ARHGEF1: variants seen among roughly 807,000 people sequenced by gnomAD.
ARHGEF1 encodes the protein Rho guanine nucleotide exchange factor 1.
A neutral mutation model predicts 119.7 loss-of-function variants in ARHGEF1; 40 were observed. The ratio of observed to expected loss-of-function variants is 0.33; its 90% confidence interval spans 0.26 to 0.44. The LOEUF is 0.44. Ranked by LOEUF, ARHGEF1 falls within the 20% of genes least tolerant of loss-of-function variation. The probability of loss-of-function intolerance (pLI) is 1.00; values close to 1 mark genes in which losing one functional copy is unlikely to be tolerated. For missense variants in ARHGEF1, 976 were observed against 1,268.3 expected (o/e 0.77, Z 3.50); for synonymous variants, 494 against 521.0 (o/e 0.95, Z 0.71).
exon 3 of ARHGEF1, chr19:41,929,695 G>C (rs2074893945): frequency 6.5e-6 from 1 of 152,896 alleles, no homozygotes; most frequent in Non-Finnish European, 1.5e-5. Flanking sequence ...ACCTTCTCTG[G>C]GGAAAGGCAG....
chr19:41,899,187 C>T (rs1308625219), intron 14 of ARHGEF1, among the ~76,000 whole-genome samples: 1 of 151,932 alleles, frequency 6.6e-6, no homozygotes, highest in Non-Finnish European at 1.5e-5. Context: ...TGGGGTTTCG[C>T]CATGTTGGCC....
chr19:41,919,926 G>A (rs1210443363), upstream of ARHGEF1, among the ~76,000 whole-genome samples: 2 of 151,658 alleles, frequency 1.3e-5, no homozygotes, highest in East Asian at 1.9e-4. Flanking sequence ...GACATGACAC[G>A]CTCACAGACA....
chr19:41,897,709 C>T lies in ARHGEF1; in HGVS notation c.1122-733C>T, dbSNP rs889196273. On this transcript the variant is annotated intron_variant, in intron 13 of 28. Transcript: ENST00000354532. ...ATCCCTGTCCTGGTCACCCTTGCCC[C>T]GGTCCTGGTCTCTCCCTGTCTCTGT... is the stretch of plus-strand genomic sequence containing the variant. 2.0e-5 allele frequency: 9 copies of T among 447,130 alleles called. No homozygotes were observed. The South Asian group carries it at 2.3e-4, about 11-fold the overall frequency. The allele number at this position is 447,130 out of a possible 1,614,324, so 27.7% of individuals were successfully genotyped here. A position where few individuals can be genotyped will look rare whatever the true frequency, so the allele number is the denominator to read the frequency against.
At position 41,905,499 on chromosome 19, in the gene ARHGEF1, G is replaced by A. The variant is rs2074677782; in HGVS notation, c.2336+238G>A. 4 of 611,402 alleles carry A rather than the reference G, an allele frequency of 6.5e-6. No individual in the cohort carries two copies. The allele number at this position is 611,402 out of a possible 1,614,324, so 37.9% of individuals were successfully genotyped here. On this transcript the variant is annotated intron_variant, in intron 24 of 28. Transcript: ENST00000354532. This position sits in a 1 kb window ranked among gnomAD's most constrained non-coding sequence, Gnocchi z 6.4. ...GTGTATGGTGTGTGTGTATGCATAT[G>A]TGTGCATGCGTGTGACAGCATGTGC...
rs376210275 is a variant in ARHGEF1, at chr19:41,915,963, C to T, written c.1866-7129C>T. On this transcript the variant is annotated intron_variant, in intron 18 of 20. Transcript: ENST00000599589. ...CTCCCCCCCGCCGGCCGGCGTGGTG[C>T]GGATGGGTACTCCAGGCAAGCTTTA... 2.7e-4 allele frequency among the ~76,000 whole-genome samples: 40 copies of T among 150,718 alleles called. No homozygotes were observed. In the East Asian group the frequency reaches 6.5e-3, roughly 24 times the overall value.
chr19:41,918,119 C>T (rs2074813127), upstream of ARHGEF1, among the ~76,000 whole-genome samples: 1 of 151,986 alleles, frequency 6.6e-6, no homozygotes, highest in Non-Finnish European at 1.5e-5. Flanking sequence ...CCCCCATTCC[C>T]ACACTGCCCA....
chr19:41,889,044 C>A lies in ARHGEF1; in HGVS notation c.225+179C>A. On this transcript the variant is annotated intron_variant, in intron 4 of 28. Transcript: ENST00000354532. The surrounding 1 kb of genome is among the most constrained non-coding windows in gnomAD (Gnocchi z 4.0). ...AGAGCCAGAAAGCATGCCACGTGAC[C>A]TCAACAGGCTTACAAGTGCCCAGGG... 1 of 597,288 alleles carries A rather than the reference C, an allele frequency of 1.7e-6. No homozygotes were observed. Among genetic ancestry groups the A allele is most frequent in the East Asian group, 2.9e-5 (1 of 34,922 alleles). The allele number at this position is 597,288 out of a possible 1,614,324, so 37.0% of individuals were successfully genotyped here.
chr19:41,908,969 ATCTCT>A (rs1300022380), downstream of ARHGEF1: 9 of 803,902 alleles, frequency 1.1e-5, no homozygotes, highest in East Asian at 1.4e-4. This position sits in a 1 kb window ranked among gnomAD's most constrained non-coding sequence, Gnocchi z 6.7. Context: ...CCCCTTCCCC[ATCTCT>A]TCTCTTGTCT....
chr19:41,911,346 A>G (rs1435782571), downstream of ARHGEF1, among the ~76,000 whole-genome samples: 1 of 152,212 alleles, frequency 6.6e-6, no homozygotes, highest in Non-Finnish European at 1.5e-5. Flanking sequence ...AGGCATGAAA[A>G]TAGAAGGCAG....
intron 1 of ARHGEF1, 117 bp from the exon 2 acceptor site, chr19:41,887,947 A>G: frequency 8.5e-7 from 1 of 1,172,674 alleles, no homozygotes; most frequent in Non-Finnish European, 1.2e-6. Flanking sequence ...TGAGCTGCGG[A>G]GGCTGGGATG....
rs781880663 is a variant in ARHGEF1 at position 41,888,097 on chromosome 19, CCGAG to C, written c.16_19del (p.Arg6GlyfsTer46). ...AGCCCAGGGAGATGGAAGACTTCGC[CCGAG>C]GGGCGGTGAGTGGACAGAGCAAGGG... On this transcript the variant is annotated frameshift_variant, in exon 2 of 29. Coordinates refer to ENST00000354532, the MANE Select transcript of ARHGEF1 (RefSeq NM_004706.4). LOFTEE classifies it high-confidence loss of function. The surrounding 1 kb of genome is among the most constrained non-coding windows in gnomAD (Gnocchi z 5.1). The C allele has an allele frequency of 6.2e-7, 1 of 1,613,632 alleles. No individual in the cohort carries two copies. The highest frequency in any genetic ancestry group is 1.3e-5 in the African/African-American group (1 of 74,904).
At chr19:41,923,605 GGAAAT>G in intron 1 of ARHGEF1, among the ~76,000 whole-genome samples, 2 of 136,920 alleles carry the variant, frequency 1.5e-5, no homozygotes, top group Middle Eastern at 3.4e-3. Flanking sequence ...AATGGAGAAA[GGAAAT>G]GAAAGTGAGG....
chr19:41,902,408 C>A lies in ARHGEF1; in HGVS notation c.1497+52C>A, dbSNP rs1555849207. ...CCCAGCTAGACACATGGAATTCAGG[C>A]CCGGGACGGGTCCTGAGCCCACCCT... On this transcript the variant is annotated intron_variant, in intron 16 of 28. Coordinates refer to ENST00000354532, the MANE Select transcript of ARHGEF1 (RefSeq NM_004706.4). This position sits in a 1 kb window ranked among gnomAD's most constrained non-coding sequence, Gnocchi z 6.5. 6.2e-7 allele frequency: 1 copy of A among 1,612,040 alleles called. No homozygotes were observed. The highest frequency in any genetic ancestry group is 1.3e-5 in the African/African-American group (1 of 74,912).
At position 41,903,308 on chromosome 19, in the gene ARHGEF1, A is replaced by G; in HGVS notation, c.1740A>G (p.Glu580=). The G allele has an allele frequency of 6.2e-7, 1 of 1,613,894 alleles. No homozygotes were observed. Residue 580 remains glutamate (E), a splice_region_variant and synonymous_variant, in exon 19 of 29, where the codon GAA becomes GAG. Coordinates refer to ENST00000354532, the MANE Select transcript of ARHGEF1 (RefSeq NM_004706.4). This position sits in a 1 kb window ranked among gnomAD's most constrained non-coding sequence, Gnocchi z 4.2. Reference sequence around the variant, plus strand: ...AGCTGCTCTCTCCCTTGCCTGCAGAAGAGCCCACAGAACGGGAGAAAGTGG... The same window carrying G: ...AGCTGCTCTCTCCCTTGCCTGCAGAGGAGCCCACAGAACGGGAGAAAGTGG... ...LLLQSIGQNT[E]EPTEREKVEL...
chr19:41,896,834 T>TCTCTCACCTACCCCCTC, intron 13 of ARHGEF1: 1 of 302,652 alleles, frequency 3.3e-6, no homozygotes, highest in Non-Finnish European at 6.4e-6. Flanking sequence ...TCCCCCATCC[T>TCTCTCACCTACCCCCTC]CTCTCACCTC....
At position 41,894,223 on chromosome 19, in the gene ARHGEF1, G is replaced by A; in HGVS notation, c.661G>A (p.Ala221Thr). 1.9e-6 allele frequency: 3 copies of A among 1,539,118 alleles called. No individual in the cohort carries two copies. The highest frequency in any genetic ancestry group is 2.3e-5 in the East Asian group (1 of 43,774). ...DEEKSAAVVN[A>T]IGLYMRHLGV... ...TCCCTACAGTGCTGCCGTGGTCAAC[G>A]CCATTGGCCTGTACATGCGCCACCT... is the stretch of plus-strand genomic sequence containing the variant. Residue 221 changes from alanine (A) to threonine (T), a missense_variant, in exon 9 of 29, where the codon GCC becomes ACC. By Grantham distance (58) the Ala-to-Thr change is moderately conservative (BLOSUM62 0). Around this residue, in one of 3 missense-constraint regions of ARHGEF1, gnomAD observed 519 missense variants for 580.9 expected, o/e 0.89. Coordinates refer to ENST00000354532, the MANE Select transcript of ARHGEF1 (RefSeq NM_004706.4).
downstream of ARHGEF1, chr19:41,907,558 T>G: frequency 1.5e-6 from 1 of 672,714 alleles, no homozygotes; most frequent in East Asian, 3.0e-5. Flanking sequence ...CTCCCTCCAG[T>G]TGTTCATTCA....
chr19:41,910,638 TGTATTTGTACCTTTCCC>T (rs2074746547), downstream of ARHGEF1, among the ~76,000 whole-genome samples: 1 of 152,174 alleles, frequency 6.6e-6, no homozygotes, highest in Non-Finnish European at 1.5e-5. This position sits in a 1 kb window ranked among gnomAD's most constrained non-coding sequence, Gnocchi z 4.4. Context: ...TACCTGCCTG[TGTATTTGTACCTTTCCC>T]GTCCCTGTGT....
At chr19:41,907,991 A>AC (rs1257178894), downstream of ARHGEF1, 66 of 397,710 alleles carry the variant, frequency 1.7e-4, no homozygotes, top group South Asian at 2.8e-4. Context: ...CCAGGCGGGG[A>AC]CCCCCCTCAA....
Sources: gnomAD v4.1 joint callset for allele counts (sites outside exome capture counted in the v4.1 genomes callset) on GRCh38, gnomAD v4.1.1 for gene constraint, gnomAD v4.1.1 regional missense constraint, Gnocchi (gnomAD v3.1) non-coding constraint, MANE v1.5 for transcripts, NCBI Gene and HGNC (gene_info 2026-07-23, HGNC 2026-07-21) for gene names.